Variants in FKBP5 observed in about 807,000 individuals in gnomAD.
FKBP5 encodes the protein peptidyl-prolyl cis-trans isomerase FKBP5.
A neutral mutation model predicts 50.5 loss-of-function variants in FKBP5; 23 were observed. The ratio of observed to expected loss-of-function variants is 0.46; its 90% CI spans 0.33 to 0.65. The LOEUF (loss-of-function observed/expected upper bound fraction) is 0.65, where lower values mean the gene tolerates loss of function less well. Ranked by LOEUF, FKBP5 falls within the 30% of genes least tolerant of loss-of-function variation. The probability of loss-of-function intolerance (pLI) is 0.02; values close to 1 mark genes in which losing one functional copy is unlikely to be tolerated. For missense variants in FKBP5, 411 were observed against 553.1 expected (o/e 0.74, Z 2.58); for synonymous variants, 176 against 190.6 (o/e 0.92, Z 0.63).
chr6:35,708,738 CT>C (rs922792777), intron 2 of FKBP5, among the ~76,000 whole-genome samples: 1 of 151,970 alleles, frequency 6.6e-6, no homozygotes, highest in Non-Finnish European at 1.5e-5. Context: ...AGGTGTGCCC[CT>C]GTGTTCTTGT....
chr6:35,638,838 C>T (rs1011924644), intron 2 of FKBP5, among the ~76,000 whole-genome samples: 8 of 152,152 alleles, frequency 5.3e-5, no homozygotes, highest in South Asian at 2.1e-4. Context: ...CTCATGTTCA[C>T]GAACTGCATG....
In FKBP5 at chr6:35,619,997, A is replaced by G. The variant is rs1048060153; in HGVS notation, c.393+135T>C. On this transcript the variant is annotated intron_variant, in intron 4 of 10. Transcript: ENST00000357266. ...TGGGTTTGTGGGAAACAATTCAAGA[A>G]GCCATGCTCCAAAATAAGTAAGTTG... 4.6e-6 allele frequency: 5 copies of G among 1,081,424 alleles called. No homozygotes were observed. The Admixed American group carries it at 6.9e-5, about 15-fold the overall frequency. The allele number at this position is 1,081,424 out of a possible 1,614,324, so 67.0% of individuals were successfully genotyped here.
Position 35,608,520 on chromosome 6 carries a change from C to G in FKBP5, c.508+10576G>C, listed in dbSNP as rs79177101. ...GACCAGCTTGAGCAATATAGCAAGA[C>G]CCCGTCTCTAAAAGGATAAAAAAAG... On this transcript the variant is annotated intron_variant, in intron 5 of 10. Coordinates refer to ENST00000357266, the MANE Select transcript of FKBP5 (RefSeq NM_004117.4). Among the ~76,000 whole-genome samples the G allele has an allele frequency of 2.8e-3, 427 of 152,120 alleles. 4 individuals are homozygous for G. Among genetic ancestry groups the G allele is most frequent in the African/African-American group, 9.3e-3 (388 of 41,516 alleles).
At chr6:35,635,603 G>A (rs1764287958) in intron 3 of FKBP5, among the ~76,000 whole-genome samples, 1 of 151,990 alleles carries the variant, frequency 6.6e-6, no homozygotes. Flanking sequence ...CTGAGATTTA[G>A]TAAAAAAGTA....
intron 2 of FKBP5, among the ~76,000 whole-genome samples, chr6:35,713,720 T>A (rs1362082128): frequency 1.3e-5 from 2 of 152,124 alleles, no homozygotes; most frequent in Non-Finnish European, 2.9e-5. Context: ...TAGCAGAGAA[T>A]GTAAAAAGCA....
chr6:35,683,104 G>GTA (rs1765718734), intron 1 of FKBP5, among the ~76,000 whole-genome samples: 1 of 147,308 alleles, frequency 6.8e-6, no homozygotes, highest in Non-Finnish European at 1.5e-5. Flanking sequence ...AAGTGTGTGT[G>GTA]TATATATATA....
intron 1 of FKBP5, among the ~76,000 whole-genome samples, chr6:35,663,991 T>C (rs141844050): frequency 7.0e-4 from 107 of 152,354 alleles, no homozygotes; most frequent in African/African-American, 2.3e-3. Context: ...GATATACTTC[T>C]AGTGAACAGT....
chr6:35,715,062 C>T (rs753818289), intron 2 of FKBP5, among the ~76,000 whole-genome samples: 1 of 151,996 alleles, frequency 6.6e-6, no homozygotes, highest in Non-Finnish European at 1.5e-5. Flanking sequence ...ACCACGCCTG[C>T]GTAATTTTTG....
chr6:35,605,383 CTTT>C (rs1158530509), intron 5 of FKBP5, among the ~76,000 whole-genome samples: 264 of 52,242 alleles, frequency 5.1e-3, no homozygotes, highest in African/African-American at 0.016. Flanking sequence ...ATGACAATAT[CTTT>C]TTTTTTTTTT....
Position 35,664,394 on chromosome 6 carries a change from A to C in FKBP5, c.-19-21551T>G, listed in dbSNP as rs573534973. 2.6e-5 allele frequency among the ~76,000 whole-genome samples: 4 copies of C among 152,238 alleles called. No individual in the cohort carries two copies. The South Asian group carries it at 8.3e-4, about 32-fold the overall frequency. On this transcript the variant is annotated intron_variant, in intron 1 of 10. Transcript: ENST00000357266. ...AACTACCCAAGACCCTTTTTCCGTTACCATATTCAATTTCAGGAATAAAAC... is the reference window on the plus strand; with the variant it reads ...AACTACCCAAGACCCTTTTTCCGTTCCCATATTCAATTTCAGGAATAAAAC...
At position 35,575,628 on chromosome 6, in the gene FKBP5, C is replaced by T. The variant is rs1261783026; in HGVS notation, c.*207G>A. On this transcript the variant is annotated 3_prime_UTR_variant, in exon 11 of 11. Transcript: ENST00000357266. Reference sequence around the variant, plus strand: ...CCACAGTCATTTCTGTTTGTTCCACCTGGAGTGGTCCCGTGCCACCCCTCA... The same window carrying T: ...CCACAGTCATTTCTGTTTGTTCCACTTGGAGTGGTCCCGTGCCACCCCTCA... 3.6e-6 allele frequency: 2 copies of T among 555,448 alleles called. No individual in the cohort carries two copies. Among genetic ancestry groups the T allele is most frequent in the African/African-American group, 3.8e-5 (2 of 53,076 alleles). The allele number at this position is 555,448 out of a possible 1,614,324, so 34.4% of individuals were successfully genotyped here.
chr6:35,579,523 AGATAGTATTAAT>A (rs1318574247), intron 9 of FKBP5, among the ~76,000 whole-genome samples: 2 of 152,178 alleles, frequency 1.3e-5, no homozygotes, highest in African/African-American at 2.4e-5. Flanking sequence ...AAAAGACCAA[AGATAGTATTAAT>A]AAGACAAATG....
At chr6:35,583,955 A>G (rs1762523713) in intron 8 of FKBP5, 1 of 985,396 alleles carries the variant, frequency 1.0e-6, no homozygotes, top group African/African-American at 1.7e-5. Flanking sequence ...ATTCTCCTCA[A>G]CTAGTTTGTT....
intron 2 of FKBP5, among the ~76,000 whole-genome samples, chr6:35,638,460 G>A (rs1382984571): frequency 6.6e-6 from 1 of 152,036 alleles, no homozygotes; most frequent in Non-Finnish European, 1.5e-5. Flanking sequence ...TTTTACCCAG[G>A]CTAGAGTGCA....
Position 35,597,244 on chromosome 6 carries a change from T to C in FKBP5, c.665+4A>G, listed in dbSNP as rs1275436651. On this transcript the variant is annotated splice_donor_region_variant and intron_variant, in intron 6 of 10. Transcript: ENST00000357266. Reference sequence around the variant, plus strand: ...ACTGTGTTCCAAACTGGTATGCTGCTTACCTTGGTCCAAGATATAAAATAC... The same window carrying C: ...ACTGTGTTCCAAACTGGTATGCTGCCTACCTTGGTCCAAGATATAAAATAC... The C allele has an allele frequency of 6.2e-7, 1 of 1,613,840 alleles. No individual in the cohort carries two copies. Among genetic ancestry groups the C allele is most frequent in the Non-Finnish European group, 8.5e-7 (1 of 1,179,918 alleles).
At chr6:35,683,729 T>A (rs1191167094) in intron 1 of FKBP5, among the ~76,000 whole-genome samples, 1 of 151,464 alleles carries the variant, frequency 6.6e-6, no homozygotes, top group Admixed American at 6.6e-5. Context: ...TGGCCTATAT[T>A]TTTAATCTTA....
At chr6:35,617,245 T>C (rs993171420) in intron 5 of FKBP5, among the ~76,000 whole-genome samples, 1 of 152,088 alleles carries the variant, frequency 6.6e-6, no homozygotes, top group South Asian at 2.1e-4. Context: ...AGAAATGAAA[T>C]ATGGGTTGAA....
intron 2 of FKBP5, among the ~76,000 whole-genome samples, chr6:35,710,769 C>T (rs2151021694): frequency 6.6e-6 from 1 of 152,240 alleles, no homozygotes; most frequent in African/African-American, 2.4e-5. Context: ...AATGAATAAA[C>T]AAACTATGGT....
At chr6:35,670,116 C>T (rs1253873482) in intron 1 of FKBP5, among the ~76,000 whole-genome samples, 1 of 152,088 alleles carries the variant, frequency 6.6e-6, no homozygotes, top group East Asian at 1.9e-4. Context: ...TTAAAGAAAA[C>T]TTAATGACCT....
Sources: allele counts gnomAD v4.1 joint callset (sites outside exome capture counted in the v4.1 genomes callset), GRCh38; gene constraint gnomAD v4.1.1; transcripts MANE v1.5; gene names NCBI Gene and HGNC (gene_info 2026-07-23, HGNC 2026-07-21).